Variants in PDLIM5 observed in about 807,000 individuals in gnomAD.
PDLIM5 encodes the protein PDZ and LIM domain protein 5.
A neutral mutation model predicts 64.2 loss-of-function variants in PDLIM5; 34 were observed. That is an observed-to-expected ratio of 0.53 (90% CI 0.40 to 0.71). The LOEUF (loss-of-function observed/expected upper bound fraction) is 0.71. Ranked by LOEUF, PDLIM5 falls within the 30% of genes least tolerant of loss-of-function variation. The pLI, the probability that PDLIM5 is intolerant of heterozygous loss-of-function variation, is 0.00. For synonymous variants in PDLIM5, 253 were observed against 269.1 expected (o/e 0.94, Z 0.59); for missense variants, 683 against 733.6 (o/e 0.93, Z 0.80).
chr4:94,585,282 G>T (rs532056671), intron 5 of PDLIM5, among the ~76,000 whole-genome samples: 4 of 151,952 alleles, frequency 2.6e-5, no homozygotes, highest in Admixed American at 2.6e-4. Context: ...AGCAGAGACG[G>T]AGTTTCACTG....
At chr4:94,515,219 A>G (rs1049217135) in intron 2 of PDLIM5, among the ~76,000 whole-genome samples, 3 of 152,188 alleles carry the variant, frequency 2.0e-5, no homozygotes, top group African/African-American at 4.8e-5. Context: ...ATAGTATAAA[A>G]CAGTAGATGA....
intron 5 of PDLIM5, among the ~76,000 whole-genome samples, chr4:94,581,842 G>T (rs1261449569): frequency 6.6e-6 from 1 of 152,180 alleles, no homozygotes; most frequent in Non-Finnish European, 1.5e-5. Flanking sequence ...CTATGTGAAT[G>T]AATTATGTTT....
At chr4:94,454,802 T>TA (rs1166280862) in intron 1 of PDLIM5, among the ~76,000 whole-genome samples, 2 of 152,220 alleles carry the variant, frequency 1.3e-5, no homozygotes, top group African/African-American at 4.8e-5. Flanking sequence ...TTTCACATGT[T>TA]AGAGTAACTT....
At chr4:94,459,122 G>C (rs977488848) in intron 2 of PDLIM5, among the ~76,000 whole-genome samples, 1 of 152,126 alleles carries the variant, frequency 6.6e-6, no homozygotes, top group African/African-American at 2.4e-5. Context: ...TAGGAGACTT[G>C]TTGGATAATT....
intron 5 of PDLIM5, chr4:94,585,112 A>G: frequency 1.5e-6 from 1 of 653,858 alleles, no homozygotes. Flanking sequence ...TTTTTGTGAA[A>G]CAGAGTCTCG....
At chr4:94,482,558 G>T (rs1364709538) in intron 2 of PDLIM5, among the ~76,000 whole-genome samples, 1 of 152,074 alleles carries the variant, frequency 6.6e-6, no homozygotes, top group Non-Finnish European at 1.5e-5. Flanking sequence ...ATTAGTTACT[G>T]TAATTATATT....
chr4:94,537,074 T>C (rs1329280748), intron 3 of PDLIM5, among the ~76,000 whole-genome samples: 2 of 152,214 alleles, frequency 1.3e-5, no homozygotes, highest in Admixed American at 1.3e-4. Context: ...TGATCCCTGT[T>C]AATACTCTTT....
At chr4:94,548,155 G>A (rs760829362) in intron 3 of PDLIM5, among the ~76,000 whole-genome samples, 8 of 151,954 alleles carry the variant, frequency 5.3e-5, no homozygotes, top group Non-Finnish European at 1.0e-4. Context: ...GTGTGTGCTC[G>A]AGCACTTTTG....
chr4:94,614,988 A>G (rs969162118), intron 7 of PDLIM5, among the ~76,000 whole-genome samples: 7 of 152,194 alleles, frequency 4.6e-5, no homozygotes, highest in Non-Finnish European at 1.0e-4. Context: ...TAATTTTATT[A>G]TCACCAGACC....
chr4:94,519,463 AC>A (rs1250584490), intron 2 of PDLIM5, among the ~76,000 whole-genome samples: 1 of 152,230 alleles, frequency 6.6e-6, no homozygotes, highest in Non-Finnish European at 1.5e-5. Context: ...GGGTCACACA[AC>A]CAGCAAATGG....
At chr4:94,495,036 T>G (rs771672653) in intron 2 of PDLIM5, among the ~76,000 whole-genome samples, 2 of 152,154 alleles carry the variant, frequency 1.3e-5, no homozygotes, top group African/African-American at 4.8e-5. Context: ...TGAGCCACCA[T>G]GCCCGGCCCG....
At position 94,653,710 on chromosome 4, in the gene PDLIM5, A is replaced by C. The variant is rs949888916; in HGVS notation, c.1284-750A>C. ...TCTGCTGTACAACATTGTGCCCATA[A>C]TTAACAATACTACATTGTACTCTTA... is the stretch of plus-strand genomic sequence containing the variant. On this transcript the variant is annotated intron_variant, in intron 9 of 12. Transcript: ENST00000317968. Among the ~76,000 whole-genome samples the C allele has an allele frequency of 3.9e-4, 60 of 152,200 alleles. 1 individual carries two copies. The highest frequency in any genetic ancestry group is 8.2e-4 in the Non-Finnish European group (56 of 68,026).
chr4:94,661,946 G>C (rs572989492), intron 11 of PDLIM5, among the ~76,000 whole-genome samples: 1 of 151,772 alleles, frequency 6.6e-6, no homozygotes, highest in Non-Finnish European at 1.5e-5. Flanking sequence ...TCAGCCTCCC[G>C]AGTAGCTGGG....
intron 9 of PDLIM5, among the ~76,000 whole-genome samples, chr4:94,648,089 C>T (rs1470899953): frequency 6.6e-6 from 1 of 152,092 alleles, no homozygotes; most frequent in Non-Finnish European, 1.5e-5. Flanking sequence ...AGTAACATTG[C>T]CTTCTACCTT....
intron 2 of PDLIM5, among the ~76,000 whole-genome samples, chr4:94,475,261 A>C (rs760566755): frequency 2.0e-5 from 3 of 152,168 alleles, no homozygotes; most frequent in Non-Finnish European, 4.4e-5. Flanking sequence ...AATTCAGTTT[A>C]ATGGTAATGC....
Position 94,518,766 on chromosome 4 carries a change from A to G in PDLIM5, c.97-4958A>G, listed in dbSNP as rs1485427705. 7.9e-5 allele frequency among the ~76,000 whole-genome samples: 12 copies of G among 152,260 alleles called. No individual in the cohort carries two copies. In the South Asian group the frequency reaches 2.5e-3, roughly 32 times the overall value. ...ATTTTGTGCATATGTACTTGGATGT[A>G]TATCACACCTAGAGATAAAGCCTGG... is the stretch of plus-strand genomic sequence containing the variant. On this transcript the variant is annotated intron_variant, in intron 2 of 12. Coordinates refer to ENST00000317968, the MANE Select transcript of PDLIM5 (RefSeq NM_006457.5).
intron 3 of PDLIM5, among the ~76,000 whole-genome samples, chr4:94,533,768 T>A (rs1385213611): frequency 6.6e-6 from 1 of 152,232 alleles, no homozygotes; most frequent in Non-Finnish European, 1.5e-5. Context: ...CGGTATCCAT[T>A]GTAAAGTACT....
At chr4:94,533,350 A>C (rs1047243735) in intron 3 of PDLIM5, among the ~76,000 whole-genome samples, 1 of 152,180 alleles carries the variant, frequency 6.6e-6, no homozygotes, top group African/African-American at 2.4e-5. Flanking sequence ...AACTTACTTC[A>C]ATCTATACTC....
chr4:94,462,024 C>G (rs1188402088), intron 2 of PDLIM5, among the ~76,000 whole-genome samples: 1 of 152,128 alleles, frequency 6.6e-6, no homozygotes, highest in Non-Finnish European at 1.5e-5. Context: ...CCACCATGCC[C>G]AGCTAATTTT....
Sources: allele counts gnomAD v4.1 joint callset (sites outside exome capture counted in the v4.1 genomes callset), GRCh38; gene constraint gnomAD v4.1.1; transcripts MANE v1.5; gene names NCBI Gene and HGNC (gene_info 2026-07-23, HGNC 2026-07-21).